SULT2B1: variants seen among roughly 807,000 people sequenced by gnomAD.
SULT2B1 encodes the protein sulfotransferase 2B1.
SULT2B1 carries 16 observed loss-of-function variants against 33.2 expected under a neutral mutation model. The ratio of observed to expected loss-of-function variants is 0.48; its 90% CI spans 0.33 to 0.73. The LOEUF (loss-of-function observed/expected upper bound fraction) is 0.73. Among genes scored for constraint, SULT2B1 ranks in the 30% least tolerant of loss-of-function variants. The pLI, the probability that SULT2B1 is intolerant of heterozygous loss-of-function variation, is 0.02. For missense variants in SULT2B1, 500 were observed against 506.0 expected (o/e 0.99, Z 0.11); for synonymous variants, 186 against 200.5 (o/e 0.93, Z 0.61).
intron 2 of SULT2B1, among the ~76,000 whole-genome samples, chr19:48,580,694 G>T (rs895443812): frequency 1.3e-5 from 2 of 152,106 alleles, no homozygotes; most frequent in Non-Finnish European, 2.9e-5. Context: ...AGGCTGAAGT[G>T]TAGTGGGAAG....
intron 1 of SULT2B1, among the ~76,000 whole-genome samples, chr19:48,565,536 C>T (rs1271187756): frequency 2.6e-5 from 4 of 151,816 alleles, no homozygotes; most frequent in East Asian, 1.9e-4. Flanking sequence ...TGCACCACTA[C>T]GCCCGGCTAA....
At chr19:48,567,557 A>C (rs9973264) in intron 1 of SULT2B1, among the ~76,000 whole-genome samples, 61,399 of 151,946 alleles carry the variant, frequency 0.4, 13,839 homozygotes, top group South Asian at 0.58. Context: ...CAACAACAAC[A>C]AAAAAAGAAC....
chr19:48,564,291 C>T (rs1201909664), intron 1 of SULT2B1, among the ~76,000 whole-genome samples: 1 of 151,266 alleles, frequency 6.6e-6, no homozygotes, highest in East Asian at 1.9e-4. Context: ...CAGTGGCTCA[C>T]GCCTGAAACC....
At chr19:48,556,641 C>T (rs928579152) in intron 1 of SULT2B1, among the ~76,000 whole-genome samples, 5 of 150,020 alleles carry the variant, frequency 3.3e-5, no homozygotes, top group African/African-American at 5.0e-5. Flanking sequence ...AGAATACACG[C>T]ATATGTGATT....
chr19:48,577,300 C>T (rs1973426503), intron 2 of SULT2B1, among the ~76,000 whole-genome samples: 1 of 145,812 alleles, frequency 6.9e-6, no homozygotes. Flanking sequence ...CATGATCCAC[C>T]AGCCTTGGCC....
At chr19:48,569,908 C>T (rs1973297951) in intron 1 of SULT2B1, among the ~76,000 whole-genome samples, 1 of 151,534 alleles carries the variant, frequency 6.6e-6, no homozygotes, top group Non-Finnish European at 1.5e-5. Context: ...TCAAGTGATC[C>T]ACCTGTCTCG....
chr19:48,560,335 A>G (rs967767503), intron 1 of SULT2B1, among the ~76,000 whole-genome samples: 12 of 152,154 alleles, frequency 7.9e-5, no homozygotes, highest in Non-Finnish European at 1.8e-4. Context: ...TCTTCACAAC[A>G]GCCCTGTGTG....
chr19:48,588,702 G>C (rs949638201), intron 3 of SULT2B1, among the ~76,000 whole-genome samples: 1 of 151,986 alleles, frequency 6.6e-6, no homozygotes, highest in African/African-American at 2.4e-5. Flanking sequence ...TTAGAGGTGG[G>C]TGTGGGGCTG....
chr19:48,571,507 G>A (rs2544798), intron 1 of SULT2B1, among the ~76,000 whole-genome samples: 97,940 of 151,554 alleles, frequency 0.65, 32,425 homozygotes, highest in African/African-American at 0.75. Context: ...TGCCCAGGCT[G>A]GTCTTGAATT....
Position 48,592,772 on chromosome 19 carries a change from G to A in SULT2B1, c.601G>A (p.Gly201Ser). 6.3e-7 allele frequency: 1 copy of A among 1,596,242 alleles called. No homozygotes were observed. The highest frequency in any genetic ancestry group is 8.5e-7 in the Non-Finnish European group (1 of 1,170,950). Residue 201 changes from glycine (G) to serine (S), a missense_variant, in exon 5 of 7, where the codon GGC becomes AGC. Transcript: ENST00000201586. ...CATTAAGGGCTGGCTTCGGATGAAG[G>A]GCAAAGACAACTTCCTATTTATCAC... The part of the protein sequence containing the change: ...DHIKGWLRMK[G>S]KDNFLFITYE...
chr19:48,592,652 C>A, intron 4 of SULT2B1, 70 bp from the exon 5 acceptor site: 1 of 1,343,558 alleles, frequency 7.4e-7, no homozygotes, highest in Non-Finnish European at 1.0e-6. Flanking sequence ...CTAGTTAGAC[C>A]CATGAGCCCC....
chr19:48,589,663 T>C (rs1010643992), intron 3 of SULT2B1, among the ~76,000 whole-genome samples: 2 of 152,014 alleles, frequency 1.3e-5, no homozygotes, highest in Non-Finnish European at 1.5e-5. Flanking sequence ...AAAGCAAACG[T>C]GAAAATCAGG....
rs1323921682 is a variant in SULT2B1 at position 48,596,878 on chromosome 19, C to T, written c.785C>T (p.Pro262Leu). 1 of 1,606,480 alleles carries T rather than the reference C, an allele frequency of 6.2e-7. No individual in the cohort carries two copies. The highest frequency in any genetic ancestry group is 1.7e-4 in the Middle Eastern group (1 of 5,908). The change falls in exon 6 of 7, where the codon CCC becomes CTC. Residue 262 changes from proline (P) to leucine (L), a missense_variant. Coordinates refer to ENST00000201586, the MANE Select transcript of SULT2B1 (RefSeq NM_177973.2). ...NTMSNYTLLP[P>L]SLLDHRRGAF... Reference sequence around the variant, plus strand: ...ATGTCCAACTACACGCTGCTGCCTCCCAGCCTGCTGGACCACCGTCGCGGG... The same window carrying T: ...ATGTCCAACTACACGCTGCTGCCTCTCAGCCTGCTGGACCACCGTCGCGGG...
chr19:48,594,704 C>T (rs1200063821), intron 5 of SULT2B1, among the ~76,000 whole-genome samples: 4 of 152,162 alleles, frequency 2.6e-5, no homozygotes, highest in Non-Finnish European at 5.9e-5. Context: ...GAGGGCTGAC[C>T]ATGCTGGGTG....
chr19:48,599,060 G>A lies in SULT2B1; in HGVS notation c.827-75G>A. 1.1e-5 allele frequency: 17 copies of A among 1,515,876 alleles called. No homozygotes were observed. The highest frequency in any genetic ancestry group is 1.5e-5 in the Non-Finnish European group (17 of 1,137,042). The allele number at this position is 1,515,876 out of a possible 1,614,324, so 93.9% of individuals were successfully genotyped here. A position where few individuals can be genotyped will look rare whatever the true frequency, so the allele number is the denominator to read the frequency against. ...GCCAAAGGCCGGGAAGGGGAAGGAG[G>A]TTGCTGGAATGTTGGAGGTAGGGGC... On this transcript the variant is annotated intron_variant, in intron 6 of 6. Coordinates refer to ENST00000201586, the MANE Select transcript of SULT2B1 (RefSeq NM_177973.2). This position sits in a 1 kb window ranked among gnomAD's most constrained non-coding sequence, Gnocchi z 4.1.
At chr19:48,556,762 C>A (rs972887001) in intron 1 of SULT2B1, among the ~76,000 whole-genome samples, 1 of 150,328 alleles carries the variant, frequency 6.7e-6, no homozygotes, top group African/African-American at 2.5e-5. Flanking sequence ...ACCAGCCTGG[C>A]CAACATGGTG....
chr19:48,575,255 CCCA>C (rs1032249833), intron 1 of SULT2B1, among the ~76,000 whole-genome samples: 1 of 149,496 alleles, frequency 6.7e-6, no homozygotes, highest in Non-Finnish European at 1.5e-5. Context: ...ATTGCAGGTG[CCCA>C]CCACCACACC....
chr19:48,595,665 GTT>G (rs1568414796), intron 5 of SULT2B1: 2 of 14,784 alleles, frequency 1.4e-4, no homozygotes, highest in African/African-American at 4.6e-4. Flanking sequence ...GTTTTTTTTT[GTT>G]GTTTTTTTTT....
chr19:48,560,063 T>C (rs547154760), intron 1 of SULT2B1, among the ~76,000 whole-genome samples: 31 of 151,734 alleles, frequency 2.0e-4, no homozygotes, highest in Non-Finnish European at 3.7e-4. Flanking sequence ...ACCCTCCTGG[T>C]AGAAAGGACT....
Sources: gnomAD v4.1 joint callset for allele counts (sites outside exome capture counted in the v4.1 genomes callset) on GRCh38, gnomAD v4.1.1 for gene constraint, Gnocchi (gnomAD v3.1) non-coding constraint, MANE v1.5 for transcripts, NCBI Gene and HGNC (gene_info 2026-07-23, HGNC 2026-07-21) for gene names.